The following EPHX2 variants were observed in gnomAD, a reference collection of about 807,000 sequenced individuals.
EPHX2 encodes the protein bifunctional epoxide hydrolase 2.
A neutral mutation model predicts 78.7 loss-of-function variants in EPHX2; 74 were observed. The observed-to-expected ratio is 0.94, with a 90% CI of 0.78 to 1.14. The LOEUF is 1.14. Ranked by LOEUF, EPHX2 falls within the 50% of genes most tolerant of loss-of-function variation. The pLI is 0.00. For synonymous variants in EPHX2, 251 were observed against 255.2 expected (o/e 0.98, Z 0.16); for missense variants, 715 against 702.5 (o/e 1.02, Z -0.20).
At chr8:27,509,130 T>C (rs998372217) in intron 5 of EPHX2, among the ~76,000 whole-genome samples, 2 of 152,130 alleles carry the variant, frequency 1.3e-5, no homozygotes, top group Non-Finnish European at 2.9e-5. Flanking sequence ...AATATTTGTC[T>C]TTTTGTAACT....
chr8:27,522,348 G>A lies in EPHX2; in HGVS notation c.973-75G>A, dbSNP rs72475885. ...AGGAGACCCTGGTGTCGAGGGGCTG[G>A]CTGATGGCCGAACCTCTCAGCACCC... On this transcript the variant is annotated intron_variant, in intron 10 of 18. Transcript: ENST00000521400. 1.9e-5 allele frequency: 28 copies of A among 1,463,754 alleles called. No individual in the cohort carries two copies. In the African/African-American group the frequency reaches 3.2e-4, roughly 17 times the overall value. The allele number at this position is 1,463,754 out of a possible 1,614,324, so 90.7% of individuals were successfully genotyped here.
chr8:27,540,529 A>G (rs965433716), intron 14 of EPHX2, 25 bp from the exon 15 acceptor site: 2 of 1,610,072 alleles, frequency 1.2e-6, no homozygotes, highest in African/African-American at 2.7e-5. Context: ...GGGATGGGAA[A>G]GTCAACAAGT....
intron 1 of EPHX2, among the ~76,000 whole-genome samples, chr8:27,497,826 C>T (rs1038571437): frequency 1.2e-4 from 19 of 152,304 alleles, no homozygotes; most frequent in African/African-American, 4.6e-4. Flanking sequence ...TTCTGGAAGA[C>T]AGGTCAACGG....
chr8:27,540,280 G>A (rs72477593), intron 14 of EPHX2, among the ~76,000 whole-genome samples: 15 of 152,244 alleles, frequency 9.9e-5, no homozygotes, highest in African/African-American at 2.4e-4. Flanking sequence ...TGAAAAAGCC[G>A]GCAACTGTGG....
intron 12 of EPHX2, among the ~76,000 whole-genome samples, chr8:27,535,064 G>A (rs1235028611): frequency 2.0e-5 from 3 of 152,210 alleles, no homozygotes; most frequent in African/African-American, 4.8e-5. Context: ...GTGCAGGTGG[G>A]TGGTTAGAGG....
At chr8:27,494,552 A>G (rs1813504340) in intron 1 of EPHX2, among the ~76,000 whole-genome samples, 1 of 152,198 alleles carries the variant, frequency 6.6e-6, no homozygotes. Flanking sequence ...ACAGACCAAC[A>G]AGTATTGAAA....
At chr8:27,540,706 G>A in intron 15 of EPHX2, 50 bp downstream of exon 15, 8 of 1,562,100 alleles carry the variant, frequency 5.1e-6, no homozygotes, top group Non-Finnish European at 7.1e-6. Context: ...TCGACAGATA[G>A]GGATCTTCAG....
At chr8:27,491,411 C>CTGCGAATCA in intron 1 of EPHX2, 102 bp downstream of exon 1, 2 of 856,152 alleles carry the variant, frequency 2.3e-6, no homozygotes, top group South Asian at 4.0e-5. Context: ...TGCCGGAGCC[C>CTGCGAATCA]TGCGAATCAT....
At chr8:27,534,826 A>G (rs1815158680) in intron 12 of EPHX2, among the ~76,000 whole-genome samples, 1 of 152,156 alleles carries the variant, frequency 6.6e-6, no homozygotes, top group South Asian at 2.1e-4. Flanking sequence ...GGATCCCAGG[A>G]GAGCACATTC....
At chr8:27,523,605 G>A (rs968363023) in intron 11 of EPHX2, among the ~76,000 whole-genome samples, 1 of 152,118 alleles carries the variant, frequency 6.6e-6, no homozygotes, top group Non-Finnish European at 1.5e-5. Flanking sequence ...TTCACTCCTG[G>A]CTCAAATGAT....
At chr8:27,525,767 A>G (rs2132766782) in intron 12 of EPHX2, among the ~76,000 whole-genome samples, 1 of 152,286 alleles carries the variant, frequency 6.6e-6, no homozygotes, top group East Asian at 1.9e-4. Context: ...ATGCTCAGGT[A>G]GAGCTGCCCC....
intron 12 of EPHX2, among the ~76,000 whole-genome samples, chr8:27,534,728 G>A (rs1228566747): frequency 6.6e-6 from 1 of 152,228 alleles, no homozygotes; most frequent in African/African-American, 2.4e-5. Flanking sequence ...CTTTGTGGAT[G>A]TGGCTTTAGG....
chr8:27,516,020 ACTT>A (rs1563349578), intron 7 of EPHX2, among the ~76,000 whole-genome samples: 1 of 152,204 alleles, frequency 6.6e-6, no homozygotes, highest in East Asian at 1.9e-4. Context: ...AAAAGGGCAG[ACTT>A]CTTTAAGACA....
rs145423911 is a variant in EPHX2, at chr8:27,516,917, C to CT, written c.910+520dup. On this transcript the variant is annotated intron_variant, in intron 8 of 18. Transcript: ENST00000521400. ...TATAGACGGCACCACAATTTCCTTC[C>CT]TATTTTTTTTTTTTTTTTTTGAGAC... is the stretch of plus-strand genomic sequence containing the variant. 4.1e-4 allele frequency among the ~76,000 whole-genome samples: 59 copies of CT among 144,218 alleles called. 3 individuals carry two copies. Among genetic ancestry groups the CT allele is most frequent in the African/African-American group, 1.0e-3 (39 of 37,326 alleles). 94.6% of individuals were successfully genotyped at this position (144,218 alleles called of 152,430 possible). A position where few individuals can be genotyped will look rare whatever the true frequency, so the allele number is the denominator to read the frequency against.
intron 1 of EPHX2, among the ~76,000 whole-genome samples, chr8:27,495,131 C>A (rs1214887929): frequency 6.6e-6 from 1 of 152,242 alleles, no homozygotes; most frequent in Non-Finnish European, 1.5e-5. Context: ...TCCATGATTT[C>A]CTTGTGGTAT....
intron 12 of EPHX2, among the ~76,000 whole-genome samples, chr8:27,530,646 T>A (rs1815005723): frequency 3.9e-5 from 6 of 152,218 alleles, no homozygotes; most frequent in Admixed American, 3.9e-4. Context: ...TGTAATCCTC[T>A]GTGGAGGGAC....
chr8:27,515,417 GT>G (rs1814410326), intron 6 of EPHX2: 1 of 368,684 alleles, frequency 2.7e-6, no homozygotes, highest in Non-Finnish European at 5.1e-6. Context: ...AACTGTGAGA[GT>G]ATGGGGGCCT....
At chr8:27,538,803 T>C (rs1815295058) in intron 14 of EPHX2, 111 bp downstream of exon 14, 2 of 1,291,942 alleles carry the variant, frequency 1.5e-6, no homozygotes, top group Non-Finnish European at 2.2e-6. Context: ...CTCTGAACTT[T>C]AAGTTGCCCA....
chr8:27,515,752 C>A lies in EPHX2; in HGVS notation c.770C>A (p.Ser257Tyr), dbSNP rs773263275. 5 of 1,613,990 alleles carry A rather than the reference C, an allele frequency of 3.1e-6. No homozygotes were observed. The African/African-American group carries it at 6.7e-5, about 22-fold the overall frequency. The change falls in exon 7 of 19, where the codon TCC (serine) becomes TAC (tyrosine). Residue 257 changes from serine to tyrosine, a missense_variant. Physicochemically the swap from Ser to Tyr is moderately radical, Grantham distance 144. Coordinates refer to ENST00000521400, the MANE Select transcript of EPHX2 (RefSeq NM_001979.6). The stretch of plus-strand genomic sequence containing the variant: ...CGTCTGCATTTTGTGGAGCTGGGCT[C>A]CGGCCCTGCTGTGTGCCTCTGCCAT... ...RVRLHFVELGSGPAVCLCHGF... is the reference protein window; with the variant it reads ...RVRLHFVELGYGPAVCLCHGF...
Sources: gnomAD v4.1 joint callset for allele counts (sites outside exome capture counted in the v4.1 genomes callset) on GRCh38, gnomAD v4.1.1 for gene constraint, MANE v1.5 for transcripts, NCBI Gene and HGNC (gene_info 2026-07-23, HGNC 2026-07-21) for gene names.